DMD: variants seen among roughly 807,000 people sequenced by gnomAD.
DMD encodes dystrophin, also known as mutant dystrophin.
Under a neutral mutation model 330.1 loss-of-function variants are expected in DMD, and 63 were observed. The ratio of observed to expected loss-of-function variants is 0.19; its 90% CI spans 0.16 to 0.24. DMD has a LOEUF of 0.24. Among genes scored for constraint, DMD ranks in the 10% least tolerant of loss-of-function variants. The pLI is 1.00. For synonymous variants in DMD, 1,223 were observed against 959.8 expected, an observed-to-expected ratio of 1.27 and a Z score of -5.07; for missense variants, 3,344 against 2,684.1, an observed-to-expected ratio of 1.25 and a Z score of -5.43.
intron 29 of DMD, among the ~76,000 whole-genome samples, chrX:32,414,602 T>C (rs1054996980): frequency 1.8e-5 from 2 of 112,044 alleles, no homozygotes; most frequent in Non-Finnish European, 3.8e-5. Flanking sequence ...AATAGCTTTA[T>C]TTATGACTGG....
chrX:33,053,153 C>G (rs2094477070), intron 1 of DMD, among the ~76,000 whole-genome samples: 1 of 111,414 alleles, frequency 9.0e-6, no homozygotes, highest in Admixed American at 9.6e-5. Context: ...TTTAATTACT[C>G]ACGTAATTAC....
At chrX:32,816,235 C>T (rs2077748796) in intron 6 of DMD, among the ~76,000 whole-genome samples, 1 of 111,916 alleles carries the variant, frequency 8.9e-6, no homozygotes, top group South Asian at 3.7e-4. Context: ...ACTATAACCA[C>T]TTTCACGCTC....
At position 33,093,205 on chromosome X, in the gene DMD, G is replaced by T. The variant is rs147069881; in HGVS notation, c.32-73005C>A. Among the ~76,000 whole-genome samples the T allele has an allele frequency of 5.3e-3, 598 of 111,839 alleles. 5 individuals are homozygous for T. The highest frequency in any genetic ancestry group is 0.019 in the African/African-American group (572 of 30,800). ...TTTTCTTCTTAGATATAGTTACCCT[G>T]GCCTTTCTGTTCCTTCCCACAATAG... is the stretch of plus-strand genomic sequence containing the variant. On this transcript the variant is annotated intron_variant, in intron 1 of 78. Coordinates refer to ENST00000357033, the MANE Select transcript of DMD (RefSeq NM_004006.3).
At chrX:32,333,383 G>C (rs1049617839) in intron 41 of DMD, among the ~76,000 whole-genome samples, 1 of 110,921 alleles carries the variant, frequency 9.0e-6, no homozygotes, top group Non-Finnish European at 1.9e-5. Flanking sequence ...AGGTTCCTAC[G>C]TGGATGTTCT....
intron 44 of DMD, among the ~76,000 whole-genome samples, chrX:32,124,669 G>A (rs1045804190): frequency 2.7e-5 from 3 of 111,721 alleles, no homozygotes; most frequent in African/African-American, 9.8e-5. Context: ...TCTAGTGGGT[G>A]ACACAGATAA....
intron 37 of DMD, among the ~76,000 whole-genome samples, chrX:32,357,939 G>C (rs919940093): frequency 2.8e-5 from 3 of 108,767 alleles, no homozygotes; most frequent in Non-Finnish European, 5.7e-5. Flanking sequence ...TGTGTTGCTG[G>C]AGTGACTGCT....
intron 60 of DMD, among the ~76,000 whole-genome samples, chrX:31,413,074 A>G (rs1418606743): frequency 8.9e-6 from 1 of 112,079 alleles, no homozygotes; most frequent in Admixed American, 9.5e-5. Context: ...CCTGCTGTCA[A>G]TGTATTATGA....
At chrX:31,273,994 G>C (rs1358090094) in intron 62 of DMD, among the ~76,000 whole-genome samples, 1 of 112,261 alleles carries the variant, frequency 8.9e-6, no homozygotes, top group Non-Finnish European at 1.9e-5. Context: ...CTGTCAGGCA[G>C]GTATGATTTC....
intron 60 of DMD, among the ~76,000 whole-genome samples, chrX:31,364,613 C>A (rs1381911740): frequency 8.9e-6 from 1 of 112,232 alleles, no homozygotes; most frequent in Non-Finnish European, 1.9e-5. Flanking sequence ...TACCTCATCA[C>A]AATAACTATT....
chrX:31,430,448 GA>G (rs1384760653), intron 60 of DMD, among the ~76,000 whole-genome samples: 1 of 111,507 alleles, frequency 9.0e-6, no homozygotes, highest in African/African-American at 3.3e-5. Context: ...GAAAGGCAGC[GA>G]TAATGACCAG....
chrX:31,479,172 C>T, intron 57 of DMD, 69 bp from the exon 58 acceptor site: 2 of 1,131,642 alleles, frequency 1.8e-6, no homozygotes, highest in Non-Finnish European at 2.4e-6. Flanking sequence ...ATCCTGGGTG[C>T]TCAGAACTTG....
intron 12 of DMD, among the ~76,000 whole-genome samples, chrX:32,601,621 G>T (rs1219076905): frequency 9.2e-6 from 1 of 108,700 alleles, no homozygotes; most frequent in African/African-American, 3.3e-5. Flanking sequence ...CAAAACTTGT[G>T]CATGACTATG....
intron 44 of DMD, among the ~76,000 whole-genome samples, chrX:32,154,490 C>T (rs898840942): frequency 8.9e-6 from 1 of 111,998 alleles, no homozygotes; most frequent in Non-Finnish European, 1.9e-5. Flanking sequence ...AAAACTTGAA[C>T]AAATCAAACT....
chrX:33,139,328 T>G (rs1480568945), intron 1 of DMD, among the ~76,000 whole-genome samples: 1 of 111,044 alleles, frequency 9.0e-6, no homozygotes, highest in African/African-American at 3.3e-5. Context: ...AATCTCATAT[T>G]GAAATGTAAT....
At position 31,313,065 on chromosome X, in the gene DMD, G is replaced by A. The variant is rs764024668; in HGVS notation, c.9224+10533C>T. ...CCTGCACGTTCTGCACATGTATCTC[G>A]GTTTTTTGGTGTGTTTTTTTTTTTT... On this transcript the variant is annotated intron_variant, in intron 62 of 78. Coordinates refer to ENST00000357033, the MANE Select transcript of DMD (RefSeq NM_004006.3). Among the ~76,000 whole-genome samples the A allele has an allele frequency of 3.0e-5, 3 of 100,380 alleles. No homozygotes were observed. In the South Asian group the frequency reaches 1.4e-3, roughly 46 times the overall value. 87.2% of individuals were successfully genotyped at this position (100,380 alleles called of 115,157 possible).
chrX:31,645,426 A>G (rs1436457194), intron 54 of DMD, among the ~76,000 whole-genome samples: 3 of 112,565 alleles, frequency 2.7e-5, no homozygotes, highest in African/African-American at 9.7e-5. Flanking sequence ...TTCTACCAGA[A>G]TATGAGGTAA....
intron 60 of DMD, among the ~76,000 whole-genome samples, chrX:31,357,575 A>T (rs951093690): frequency 9.0e-6 from 1 of 111,342 alleles, no homozygotes; most frequent in Non-Finnish European, 1.9e-5. Flanking sequence ...AAAGGCTGGA[A>T]GGGGGAATTT....
intron 1 of DMD, among the ~76,000 whole-genome samples, chrX:33,123,198 G>A (rs2148495487): frequency 8.9e-6 from 1 of 111,734 alleles, no homozygotes; most frequent in South Asian, 3.7e-4. Context: ...TACCACGTAG[G>A]TTAGTGTAAG....
chrX:32,989,267 C>G (rs966445486), intron 2 of DMD, among the ~76,000 whole-genome samples: 1 of 111,447 alleles, frequency 9.0e-6, no homozygotes, highest in East Asian at 2.8e-4. Context: ...TGAAATGTGA[C>G]AAAACACTGC....
Sources: gnomAD v4.1 joint callset for allele counts (sites outside exome capture counted in the v4.1 genomes callset) on GRCh38, gnomAD v4.1.1 for gene constraint, MANE v1.5 for transcripts, NCBI Gene and HGNC (gene_info 2026-07-23, HGNC 2026-07-21) for gene names.